SLC2A13: variants seen among roughly 807,000 people sequenced by gnomAD.
The protein encoded by SLC2A13 is solute carrier family 2 member 13.
A neutral mutation model predicts 64.4 loss-of-function variants in SLC2A13; 32 were observed. That is an observed-to-expected ratio of 0.50 (90% confidence interval 0.37 to 0.67). The LOEUF (loss-of-function observed/expected upper bound fraction) is 0.67, where lower values mean the gene tolerates loss of function less well. SLC2A13 is among the 30% of genes least tolerant of loss of function. The pLI is 0.00. For synonymous variants in SLC2A13, 338 were observed against 327.1 expected (o/e 1.03, Z -0.36); for missense variants, 743 against 829.2 (o/e 0.90, Z 1.28).
chr12:39,987,114 A>T (rs915954630), intron 3 of SLC2A13, among the ~76,000 whole-genome samples: 16 of 152,330 alleles, frequency 1.1e-4, no homozygotes, highest in South Asian at 2.1e-4. Flanking sequence ...AGCCTAAGTT[A>T]ATCATAGCTC....
chr12:39,985,132 C>G (rs899753667), intron 3 of SLC2A13, among the ~76,000 whole-genome samples: 1 of 151,954 alleles, frequency 6.6e-6, no homozygotes, highest in African/African-American at 2.4e-5. Context: ...TGGAAAATTA[C>G]AAAAAATGAA....
chr12:39,955,723 C>G (rs1373350489), intron 3 of SLC2A13, among the ~76,000 whole-genome samples: 6 of 152,052 alleles, frequency 3.9e-5, no homozygotes, highest in Non-Finnish European at 8.8e-5. Flanking sequence ...AATGCAATCA[C>G]ATGTATCCTT....
intron 3 of SLC2A13, among the ~76,000 whole-genome samples, chr12:40,022,009 A>C (rs1299788623): frequency 5.9e-5 from 9 of 152,138 alleles, no homozygotes. Flanking sequence ...GGTAGGTAAG[A>C]CTTCATGACC....
At chr12:39,979,023 C>T (rs913284757) in intron 3 of SLC2A13, among the ~76,000 whole-genome samples, 1 of 151,238 alleles carries the variant, frequency 6.6e-6, no homozygotes, top group East Asian at 2.0e-4. Flanking sequence ...CCCCTGACCC[C>T]CGAGCAGCCT....
intron 2 of SLC2A13, among the ~76,000 whole-genome samples, chr12:40,046,028 T>C (rs558688887): frequency 8.5e-5 from 13 of 152,348 alleles, no homozygotes; most frequent in Non-Finnish European, 2.9e-5. Flanking sequence ...TTTTACTCAA[T>C]TCATCAGAAC....
intron 1 of SLC2A13, among the ~76,000 whole-genome samples, chr12:40,068,973 G>A (rs1420241490): frequency 6.6e-6 from 1 of 151,816 alleles, no homozygotes; most frequent in Non-Finnish European, 1.5e-5. Flanking sequence ...TGTGGCCACT[G>A]GTGAACAGCC....
At chr12:39,986,928 T>G (rs1468099494) in intron 3 of SLC2A13, among the ~76,000 whole-genome samples, 3 of 152,164 alleles carry the variant, frequency 2.0e-5, no homozygotes, top group Non-Finnish European at 4.4e-5. Context: ...TCAAAAGGCA[T>G]GTTATTTCCT....
At chr12:40,094,890 A>G (rs1183381436) in intron 1 of SLC2A13, among the ~76,000 whole-genome samples, 1 of 152,226 alleles carries the variant, frequency 6.6e-6, no homozygotes, top group East Asian at 1.9e-4. Context: ...AGACAGGGAG[A>G]GGCCTTAGCC....
intron 2 of SLC2A13, among the ~76,000 whole-genome samples, chr12:40,045,183 T>C (rs533145515): frequency 9.2e-5 from 14 of 151,880 alleles, no homozygotes; most frequent in Non-Finnish European, 1.8e-4. Flanking sequence ...AAACTTGAGG[T>C]AGAGTTTCAG....
rs1939299180 is a variant in SLC2A13 at position 40,106,004 on chromosome 12, C to T, written c.-196G>A. 6 of 577,840 alleles carry T rather than the reference C, an allele frequency of 1.0e-5. No homozygotes were observed. In the South Asian group the frequency reaches 2.6e-4, roughly 25 times the overall value. 35.8% of individuals were successfully genotyped at this position (577,840 alleles called of 1,614,324 possible). On this transcript the variant is annotated 5_prime_UTR_variant, in exon 1 of 10. Transcript: ENST00000280871. ...AAAGTTGCTGCCCGCCGCGCTCCGA[C>T]GCTGCGGAGTTGGAGCCCGGCGGGT...
chr12:39,893,095 A>G (rs1269437733), intron 4 of SLC2A13, among the ~76,000 whole-genome samples: 3 of 152,228 alleles, frequency 2.0e-5, no homozygotes, highest in Admixed American at 6.5e-5. Context: ...TCCTATTGAG[A>G]AAACTAATCC....
intron 1 of SLC2A13, among the ~76,000 whole-genome samples, chr12:40,071,914 A>C (rs1372680470): frequency 6.6e-6 from 1 of 151,960 alleles, no homozygotes; most frequent in African/African-American, 2.4e-5. Flanking sequence ...TCCTGTTTCC[A>C]ATTTCATTTC....
At chr12:39,858,688 C>T (rs1352850517) in intron 6 of SLC2A13, among the ~76,000 whole-genome samples, 1 of 152,150 alleles carries the variant, frequency 6.6e-6, no homozygotes, top group Non-Finnish European at 1.5e-5. Context: ...CTCACTGCAA[C>T]CTCCGCCTCC....
intron 2 of SLC2A13, among the ~76,000 whole-genome samples, chr12:40,032,715 T>C (rs1947923473): frequency 6.6e-6 from 1 of 152,202 alleles, no homozygotes; most frequent in Admixed American, 6.5e-5. Context: ...GGTTCTTCAC[T>C]GAACTAAACA....
At chr12:39,894,739 G>A (rs192052549) in intron 4 of SLC2A13, among the ~76,000 whole-genome samples, 1 of 152,302 alleles carries the variant, frequency 6.6e-6, no homozygotes, top group East Asian at 1.9e-4. Flanking sequence ...AGGTTCATTG[G>A]TAAATACCGG....
chr12:40,064,527 A>G (rs1358266828), intron 1 of SLC2A13, among the ~76,000 whole-genome samples: 6 of 128,410 alleles, frequency 4.7e-5, no homozygotes, highest in Non-Finnish European at 1.0e-4. Flanking sequence ...AGTGCAAGGA[A>G]ATTCTTTTTA....
At chr12:40,090,118 T>C (rs1938714112) in intron 1 of SLC2A13, among the ~76,000 whole-genome samples, 1 of 152,220 alleles carries the variant, frequency 6.6e-6, no homozygotes, top group South Asian at 2.1e-4. Flanking sequence ...CCAAATGCTT[T>C]ATATGCAGAA....
intron 4 of SLC2A13, among the ~76,000 whole-genome samples, chr12:39,902,886 T>C (rs1945170071): frequency 6.6e-6 from 1 of 152,124 alleles, no homozygotes; most frequent in Non-Finnish European, 1.5e-5. Context: ...TCTTAAGAAG[T>C]CATTACCTTA....
chr12:39,908,172 T>C (rs1049381082), intron 4 of SLC2A13: 2 of 152,072 alleles, frequency 1.3e-5, no homozygotes, highest in Non-Finnish European at 1.5e-5. Flanking sequence ...TAGAGTCTAA[T>C]GGTGTATCTC....
Sources: allele counts gnomAD v4.1 joint callset (sites outside exome capture counted in the v4.1 genomes callset), GRCh38; gene constraint gnomAD v4.1.1; transcripts MANE v1.5; gene names NCBI Gene and HGNC (gene_info 2026-07-23, HGNC 2026-07-21).